The following SLC38A10 variants were observed in gnomAD, a reference collection of about 807,000 sequenced individuals.
SLC38A10 encodes the protein solute carrier family 38 member 10.
Under a neutral mutation model 81.0 loss-of-function variants are expected in SLC38A10, and 53 were observed. The observed-to-expected ratio is 0.65, with a 90% confidence interval of 0.53 to 0.82. The LOEUF (loss-of-function observed/expected upper bound fraction) is 0.82, where lower values mean the gene tolerates loss of function less well. Among genes scored for constraint, SLC38A10 ranks in the 40% least tolerant of loss-of-function variants. SLC38A10 has a pLI of 0.00. For missense variants in SLC38A10, 1,471 were observed against 1,545.0 expected (o/e 0.95, Z 0.80); for synonymous variants, 665 against 655.3 (o/e 1.01, Z -0.23).
chr17:81,292,190 C>T (rs949631689), intron 1 of SLC38A10, among the ~76,000 whole-genome samples: 7 of 151,926 alleles, frequency 4.6e-5, no homozygotes, highest in East Asian at 3.9e-4. Flanking sequence ...TGCAGTGGCG[C>T]GATCTTGGCT....
At chr17:81,255,831 C>T (rs1398373410) in intron 11 of SLC38A10, among the ~76,000 whole-genome samples, 1 of 152,186 alleles carries the variant, frequency 6.6e-6, no homozygotes, top group Non-Finnish European at 1.5e-5. Context: ...AACAAAAATA[C>T]AAAATTAGCC....
intron 1 of SLC38A10, among the ~76,000 whole-genome samples, chr17:81,290,774 G>A (rs950999820): frequency 2.0e-5 from 3 of 152,120 alleles, no homozygotes; most frequent in East Asian, 1.9e-4. Flanking sequence ...TTGGGAGGCC[G>A]AGGTGGGCAG....
At position 81,252,922 on chromosome 17, in the gene SLC38A10, G is replaced by A. The variant is rs556796869; in HGVS notation, c.1456+151C>T. ...GGCAGGACATTCATCTGAATTGAAA[G>A]ACAGAGAAAACAAAAAGGACCAGAA... On this transcript the variant is annotated intron_variant, in intron 12 of 15. Transcript: ENST00000374759. 2.0e-4 allele frequency: 240 copies of A among 1,174,798 alleles called. 2 individuals are homozygous for A. In the South Asian group the frequency reaches 3.4e-3, roughly 17 times the overall value. The allele number at this position is 1,174,798 out of a possible 1,614,324, so 72.8% of individuals were successfully genotyped here.
rs574019588 is a variant in SLC38A10 at position 81,267,410 on chromosome 17, CCTT to C, written c.1131+3505_1131+3507del. 1.5e-3 allele frequency among the ~76,000 whole-genome samples: 223 copies of C among 152,242 alleles called. 1 individual carries two copies. The highest frequency in any genetic ancestry group is 6.8e-3 in the Admixed American group (104 of 15,288). Reference sequence around the variant, plus strand: ...AAATTCTAACTATGGCCCTCCCCCTCCTTCTTCTTTTAAAATAGTACTGGAGTG... The same window carrying C: ...AAATTCTAACTATGGCCCTCCCCCTCCTTCTTTTAAAATAGTACTGGAGTG... On this transcript the variant is annotated intron_variant, in intron 10 of 15. Coordinates refer to ENST00000374759, the MANE Select transcript of SLC38A10 (RefSeq NM_001037984.3).
chr17:81,266,292 C>CT (rs1203976860), intron 10 of SLC38A10, among the ~76,000 whole-genome samples: 2 of 152,226 alleles, frequency 1.3e-5, no homozygotes, highest in Admixed American at 1.3e-4. Flanking sequence ...TATGAAATCT[C>CT]TAACTTCCCT....
chr17:81,275,910 T>C, intron 8 of SLC38A10, 59 bp downstream of exon 8: 2 of 1,519,304 alleles, frequency 1.3e-6, no homozygotes, highest in Non-Finnish European at 1.8e-6. Context: ...GCTGGGGGCT[T>C]ATGGGAAGCG....
In SLC38A10 at chr17:81,246,124, A is replaced by C; in HGVS notation, c.2792T>G (p.Val931Gly). The C allele has an allele frequency of 6.2e-7, 1 of 1,609,332 alleles. No homozygotes were observed. The highest frequency in any genetic ancestry group is 8.5e-7 in the Non-Finnish European group (1 of 1,179,382). The part of the protein sequence containing the change: ...TGDPRMKPKQ[V>G]SRDLGLAADL... ...CGCTGCAAGGCCCAGGTCTCGGCTC[A>C]CTTGCTTGGGCTTCATGCGAGGGTC... The change falls in exon 16 of 16, where the codon GTG becomes GGG. Residue 931 changes from valine (V) to glycine (G), a missense_variant. Val to Gly is a moderately radical substitution (Grantham distance 109, BLOSUM62 -3). Around this residue, in one of 2 missense-constraint regions of SLC38A10, gnomAD observed 751 missense variants for 717.4 expected, o/e 1.05. Coordinates refer to ENST00000374759, the MANE Select transcript of SLC38A10 (RefSeq NM_001037984.3).
chr17:81,290,204 C>T (rs1034840164), intron 1 of SLC38A10, among the ~76,000 whole-genome samples: 7 of 152,194 alleles, frequency 4.6e-5, no homozygotes, highest in Non-Finnish European at 1.5e-5. Flanking sequence ...TTTCCCCGTT[C>T]TCATAAGTTA....
chr17:81,292,119 G>A (rs142548665), intron 1 of SLC38A10, among the ~76,000 whole-genome samples: 1 of 151,616 alleles, frequency 6.6e-6, no homozygotes. Flanking sequence ...TCTAGATATA[G>A]ATATAGATAT....
chr17:81,279,901 T>C lies in SLC38A10; in HGVS notation c.626+708A>G, dbSNP rs180989295. ...TGACGATTTGGATCTCGCATGTGGG[T>C]GTAAACACAGCGGTATGAACAAATT... On this transcript the variant is annotated intron_variant, in intron 6 of 15. Transcript: ENST00000374759. 2.9e-4 allele frequency: 75 copies of C among 254,712 alleles called. 2 individuals carry two copies. In the Admixed American group the frequency reaches 3.3e-3, roughly 11 times the overall value. 15.8% of individuals were successfully genotyped at this position (254,712 alleles called of 1,614,324 possible).
chr17:81,277,849 C>T lies in SLC38A10; in HGVS notation c.627-716G>A, dbSNP rs1246619325. Among the ~76,000 whole-genome samples the T allele has an allele frequency of 2.0e-5, 3 of 152,234 alleles. No homozygotes were observed. The East Asian group carries it at 5.8e-4, about 29-fold the overall frequency. ...GCTGGGGCCATGGAGCATCTGTGTG[C>T]AGCCGGGGAGAAGGGAGTTGGGCCA... On this transcript the variant is annotated intron_variant, in intron 6 of 15. Coordinates refer to ENST00000374759, the MANE Select transcript of SLC38A10 (RefSeq NM_001037984.3). The surrounding 1 kb of genome is among the most constrained non-coding windows in gnomAD (Gnocchi z 4.5).
In SLC38A10 at chr17:81,254,692, C is replaced by T. The variant is rs541337955; in HGVS notation, c.1289-1452G>A. Reference sequence around the variant, plus strand: ...AACTCCTGACCTCAAGTGATCCACCCGCCTCATTCTCCCAAAGTGCTGGGA... The same window carrying T: ...AACTCCTGACCTCAAGTGATCCACCTGCCTCATTCTCCCAAAGTGCTGGGA... On this transcript the variant is annotated intron_variant, in intron 11 of 15. Coordinates refer to ENST00000374759, the MANE Select transcript of SLC38A10 (RefSeq NM_001037984.3). 1.6e-3 allele frequency among the ~76,000 whole-genome samples: 242 copies of T among 152,314 alleles called. 3 individuals carry two copies. Among genetic ancestry groups the T allele is most frequent in the African/African-American group, 5.0e-3 (207 of 41,562 alleles).
At position 81,270,895 on chromosome 17, in the gene SLC38A10, G is replaced by T. The variant is rs2146925275; in HGVS notation, c.1131+23C>A. 1 of 1,608,328 alleles carries T rather than the reference G, an allele frequency of 6.2e-7. No individual in the cohort carries two copies. The highest frequency in any genetic ancestry group is 1.3e-5 in the African/African-American group (1 of 74,864). On this transcript the variant is annotated intron_variant, in intron 10 of 15. Coordinates refer to ENST00000374759, the MANE Select transcript of SLC38A10 (RefSeq NM_001037984.3). This position sits in a 1 kb window ranked among gnomAD's most constrained non-coding sequence, Gnocchi z 4.0. ...CCCAGACCCATCAGCCCTCGTCCAG[G>T]CCACCCCACGAGCAGCACGCACCTG...
Position 81,246,348 on chromosome 17 carries a change from C to T in SLC38A10, c.2568G>A (p.Glu856=), listed in dbSNP as rs543005492. 3.8e-5 allele frequency: 61 copies of T among 1,606,438 alleles called. No homozygotes were observed. The African/African-American group carries it at 7.7e-4, about 20-fold the overall frequency. ...TGGCGGGGTCTGGCACGGGCACCTG[C>T]TCCGGGCCCTTGGGGAGCTCCTTCA... ...GTVKELPKGP[E]QVPVPDPARE... is the part of the protein sequence containing the mutation. The change falls in exon 16 of 16, where the codon GAG becomes GAA. Residue 856 remains glutamate, a synonymous_variant. Coordinates refer to ENST00000374759, the MANE Select transcript of SLC38A10 (RefSeq NM_001037984.3).
At chr17:81,255,490 T>A (rs925781406) in intron 11 of SLC38A10, among the ~76,000 whole-genome samples, 1 of 152,332 alleles carries the variant, frequency 6.6e-6, no homozygotes, top group African/African-American at 2.4e-5. Flanking sequence ...GGGCCCTGTA[T>A]GGGGAGTGCC....
chr17:81,250,795 T>C, intron 14 of SLC38A10: 1 of 989,322 alleles, frequency 1.0e-6, no homozygotes, highest in Non-Finnish European at 1.2e-6. Flanking sequence ...CAGACGGGGC[T>C]GCTGCTACCC....
intron 11 of SLC38A10, among the ~76,000 whole-genome samples, chr17:81,259,864 C>G (rs901305256): frequency 6.6e-6 from 1 of 152,200 alleles, no homozygotes; most frequent in African/African-American, 2.4e-5. Flanking sequence ...GCCTGATCGC[C>G]GACCCTGTCC....
At chr17:81,262,141 G>A (rs777756807) in intron 10 of SLC38A10, among the ~76,000 whole-genome samples, 6 of 152,194 alleles carry the variant, frequency 3.9e-5, no homozygotes, top group Non-Finnish European at 5.9e-5. Flanking sequence ...GGAACGGCCC[G>A]CCCAGTCAGT....
chr17:81,245,563 T>A lies in SLC38A10; in HGVS notation c.3353A>T (p.Glu1118Val). The part of the protein sequence containing the change: ...QLRQAPGPPE[E>V]S ...CCTCATGGCCAGCAGGTGCTAGGAC[T>A]CCTCTGGAGGCCCAGGCGCCTGTCT... Residue 1118 changes from glutamate (E) to valine (V), a missense_variant, in exon 16 of 16, where the codon GAG becomes GTG. By Grantham distance (121) the Glu-to-Val change is moderately radical. Around this residue, in one of 2 missense-constraint regions of SLC38A10, gnomAD observed 751 missense variants for 717.4 expected, o/e 1.05. Coordinates refer to ENST00000374759, the MANE Select transcript of SLC38A10 (RefSeq NM_001037984.3). 2 of 1,604,838 alleles carry A rather than the reference T, an allele frequency of 1.2e-6. No individual in the cohort carries two copies. The highest frequency in any genetic ancestry group is 1.7e-6 in the Non-Finnish European group (2 of 1,175,904).
Sources: allele counts gnomAD v4.1 joint callset (sites outside exome capture counted in the v4.1 genomes callset), GRCh38; gene constraint gnomAD v4.1.1; regional missense constraint gnomAD v4.1.1; non-coding constraint Gnocchi (gnomAD v3.1); transcripts MANE v1.5; gene names NCBI Gene and HGNC (gene_info 2026-07-23, HGNC 2026-07-21).